The following FAM131B variants were observed in gnomAD, a reference collection of about 807,000 sequenced individuals.
FAM131B encodes the protein family with sequence similarity 131 member B.
In FAM131B, 19 loss-of-function variants were observed where a neutral mutation model predicts 42.0. The ratio of observed to expected loss-of-function variants is 0.45; its 90% CI spans 0.32 to 0.66. The LOEUF is 0.66. FAM131B is among the 30% of genes least tolerant of loss of function. The pLI is 0.05. For missense variants in FAM131B, 370 were observed against 468.4 expected, an observed-to-expected ratio of 0.79 and a Z score of 1.94; for synonymous variants, 183 against 177.6, an observed-to-expected ratio of 1.03 and a Z score of -0.24.
At chr7:143,381,821 G>T in the FAM131B span, 1 of 1,487,490 alleles carries the variant, frequency 6.7e-7, no homozygotes, top group Non-Finnish European at 9.0e-7. Flanking sequence ...GCAGGAGCCG[G>T]GGTGGGGGGC....
At chr7:143,364,904 GCAAGA>G (rs1936983386), upstream of FAM131B, among the ~76,000 whole-genome samples, 1 of 152,118 alleles carries the variant, frequency 6.6e-6, no homozygotes, top group African/African-American at 2.4e-5. Context: ...AAATGATCAG[GCAAGA>G]CACTTATCCC....
Position 143,359,092 on chromosome 7 carries a change from T to C in FAM131B, c.269-68A>G. On this transcript the variant is annotated intron_variant, in intron 4 of 6. Coordinates refer to ENST00000443739, the MANE Select transcript of FAM131B (RefSeq NM_001031690.3). The surrounding 1 kb of genome is among the most constrained non-coding windows in gnomAD (Gnocchi z 5.4). Reference sequence around the variant, plus strand: ...AATACCCATAACCAGACCCTCCCAGTTCCTCCCACCCCAGCCCCATGAGGC... The same window carrying C: ...AATACCCATAACCAGACCCTCCCAGCTCCTCCCACCCCAGCCCCATGAGGC... The C allele has an allele frequency of 6.8e-7, 1 of 1,480,810 alleles. No homozygotes were observed. Among genetic ancestry groups the C allele is most frequent in the Non-Finnish European group, 9.2e-7 (1 of 1,083,014 alleles). 91.7% of individuals were successfully genotyped at this position (1,480,810 alleles called of 1,614,324 possible).
chr7:143,360,277 C>T lies in FAM131B; in HGVS notation c.29-128G>A, dbSNP rs1803897199. The stretch of plus-strand genomic sequence containing the variant: ...ATTTCCTCTTATATCCCTGCACTCT[C>T]CAAATTCTAGGGGAGACAAGTAGTA... On this transcript the variant is annotated intron_variant, in intron 1 of 6. Coordinates refer to ENST00000443739, the MANE Select transcript of FAM131B (RefSeq NM_001031690.3). The T allele has an allele frequency of 5.4e-6, 8 of 1,480,490 alleles. No individual in the cohort carries two copies. In the South Asian group the frequency reaches 1.1e-4, roughly 20 times the overall value. 91.7% of individuals were successfully genotyped at this position (1,480,490 alleles called of 1,614,324 possible).
At chr7:143,357,133 GAC>G in intron 6 of FAM131B, 111 bp from the exon 7 acceptor site, 3 of 1,123,368 alleles carry the variant, frequency 2.7e-6, no homozygotes, top group Non-Finnish European at 2.7e-6. Flanking sequence ...CTGGCAGTAA[GAC>G]ACAGAGTGCA....
upstream of FAM131B, among the ~76,000 whole-genome samples, chr7:143,365,257 C>G (rs1297862623): frequency 6.6e-6 from 1 of 152,158 alleles, no homozygotes; most frequent in Non-Finnish European, 1.5e-5. Context: ...CTTCCAGCAG[C>G]AGGGAAGACG....
In FAM131B at chr7:143,359,974, G is replaced by A; in HGVS notation, c.138+66C>T. On this transcript the variant is annotated intron_variant, in intron 2 of 6. Transcript: ENST00000443739. The surrounding 1 kb of genome is among the most constrained non-coding windows in gnomAD (Gnocchi z 5.4). ...AGTGTCAGTCTGAAGGAGTGTTTGG[G>A]TTGTTGCCTTGGAATTGAGGAAGTG... The A allele has an allele frequency of 8.1e-7, 1 of 1,239,366 alleles. No homozygotes were observed. The highest frequency in any genetic ancestry group is 1.2e-6 in the Non-Finnish European group (1 of 850,800). The allele number at this position is 1,239,366 out of a possible 1,614,324, so 76.8% of individuals were successfully genotyped here.
chr7:143,359,798 C>T lies in FAM131B; in HGVS notation c.139-31G>A, dbSNP rs1803866580. ...AGGAGAGAGGAAAGGGAATGGGCATCCCAGTCACTCGCAGGAATGCAAGGA... is the reference window on the plus strand; with the variant it reads ...AGGAGAGAGGAAAGGGAATGGGCATTCCAGTCACTCGCAGGAATGCAAGGA... On this transcript the variant is annotated intron_variant, in intron 2 of 6. Transcript: ENST00000443739. The surrounding 1 kb of genome is among the most constrained non-coding windows in gnomAD (Gnocchi z 5.4). 4 of 1,553,392 alleles carry T rather than the reference C, an allele frequency of 2.6e-6. No individual in the cohort carries two copies. Among genetic ancestry groups the T allele is most frequent in the Non-Finnish European group, 3.5e-6 (4 of 1,147,510 alleles).
upstream of FAM131B, among the ~76,000 whole-genome samples, chr7:143,366,435 G>A (rs569896215): frequency 2.6e-4 from 40 of 152,252 alleles, 1 homozygote; most frequent in South Asian, 7.7e-3. Flanking sequence ...GGCACTCCTA[G>A]TGGTTCTCAA....
chr7:143,371,978 T>C, the FAM131B span, among the ~76,000 whole-genome samples: 2 of 152,148 alleles, frequency 1.3e-5, no homozygotes, highest in African/African-American at 4.8e-5. Flanking sequence ...TTTTTCAATT[T>C]GTTTAATTTT....
the FAM131B span, among the ~76,000 whole-genome samples, chr7:143,371,504 C>G: frequency 6.7e-6 from 1 of 149,964 alleles, no homozygotes; most frequent in African/African-American, 2.5e-5. Context: ...GTCCCAGCTA[C>G]TTGAGAAGCT....
the FAM131B span, chr7:143,381,873 C>G: frequency 7.9e-7 from 1 of 1,261,850 alleles, no homozygotes; most frequent in African/African-American, 1.5e-5. Flanking sequence ...AGGTTGTTGC[C>G]GAGGGGGCTG....
At chr7:143,381,502 C>G in the FAM131B span, 1 of 1,514,990 alleles carries the variant, frequency 6.6e-7, no homozygotes. Context: ...GAGCTGGGAC[C>G]GCCTGGGGCT....
chr7:143,359,780 A>T lies in FAM131B; in HGVS notation c.139-13T>A. On this transcript the variant is annotated splice_polypyrimidine_tract_variant and intron_variant, in intron 2 of 6. Coordinates refer to ENST00000443739, the MANE Select transcript of FAM131B (RefSeq NM_001031690.3). This position sits in a 1 kb window ranked among gnomAD's most constrained non-coding sequence, Gnocchi z 5.4. The stretch of plus-strand genomic sequence containing the variant: ...CAGTTCGAGTTTGCTGTGAGGAGAG[A>T]GGAAAGGGAATGGGCATCCCAGTCA... 6.4e-7 allele frequency: 1 copy of T among 1,562,424 alleles called. No individual in the cohort carries two copies. The highest frequency in any genetic ancestry group is 1.2e-5 in the South Asian group (1 of 84,714).
At chr7:143,368,475 T>A in the FAM131B span, among the ~76,000 whole-genome samples, 1 of 152,200 alleles carries the variant, frequency 6.6e-6, no homozygotes, top group African/African-American at 2.4e-5. Context: ...TGCCTGCCTG[T>A]CTAGTATTTA....
chr7:143,369,992 T>A, the FAM131B span, among the ~76,000 whole-genome samples: 17 of 152,248 alleles, frequency 1.1e-4, no homozygotes, highest in African/African-American at 3.9e-4. Flanking sequence ...CAAAGGACAC[T>A]GGAAATTTTG....
In FAM131B at chr7:143,356,820, T is replaced by G; in HGVS notation, c.813A>C (p.Gly271=). 6.2e-7 allele frequency: 1 copy of G among 1,614,072 alleles called. No individual in the cohort carries two copies. Residue 271 remains glycine (G), a synonymous_variant, in exon 7 of 7, where the codon GGA becomes GGC. Coordinates refer to ENST00000443739, the MANE Select transcript of FAM131B (RefSeq NM_001031690.3). The surrounding 1 kb of genome is among the most constrained non-coding windows in gnomAD (Gnocchi z 4.4). The stretch of plus-strand genomic sequence containing the variant: ...AAGGTGGAGGCTCCAGAGCAGAGTA[T>G]CCTGAAGCTGGTTGGGAAGGTCCCA... ...HEMGPSQPAS[G]YSALEPPPLL... is the part of the protein sequence containing the mutation.
chr7:143,374,228 T>A, the FAM131B span, among the ~76,000 whole-genome samples: 2 of 152,248 alleles, frequency 1.3e-5, no homozygotes, highest in African/African-American at 4.8e-5. Flanking sequence ...TCTCAGTACG[T>A]CCAGAATGAA....
the FAM131B span, among the ~76,000 whole-genome samples, chr7:143,374,901 G>A: frequency 2.0e-5 from 3 of 152,108 alleles, no homozygotes; most frequent in South Asian, 4.1e-4. Flanking sequence ...AGGCTCTACC[G>A]GATGCATCCT....
the FAM131B span, chr7:143,381,610 G>C: frequency 6.2e-6 from 10 of 1,611,822 alleles, no homozygotes; most frequent in African/African-American, 1.3e-4. Context: ...TCTCCGTTTC[G>C]GTCTCGGCTC....
Sources: allele counts gnomAD v4.1 joint callset (sites outside exome capture counted in the v4.1 genomes callset), GRCh38; gene constraint gnomAD v4.1.1; non-coding constraint Gnocchi (gnomAD v3.1); transcripts MANE v1.5; gene names NCBI Gene and HGNC (gene_info 2026-07-23, HGNC 2026-07-21).